ASPH: variants seen among roughly 807,000 people sequenced by gnomAD.
The protein encoded by ASPH is aspartate beta-hydroxylase, also known as aspartyl/asparaginyl beta-hydroxylase.
Under a neutral mutation model 118.4 loss-of-function variants are expected in ASPH, and 100 were observed. The ratio of observed to expected loss-of-function variants is 0.84; its 90% CI spans 0.72 to 1.00. The LOEUF is 1.00. ASPH is among the 50% of genes least tolerant of loss of function. ASPH has a pLI of 0.00. For missense variants in ASPH, 920 were observed against 919.5 expected, an observed-to-expected ratio of 1.00 and a Z score of -0.01; for synonymous variants, 315 against 325.6, an observed-to-expected ratio of 0.97 and a Z score of 0.35.
intron 14 of ASPH, among the ~76,000 whole-genome samples, chr8:61,605,287 T>G (rs1222567165): frequency 6.6e-6 from 1 of 152,216 alleles, no homozygotes; most frequent in African/African-American, 2.4e-5. Context: ...GCATTTGGAC[T>G]TAGGGATAAC....
At position 61,579,385 on chromosome 8, in the gene ASPH, C is replaced by T. The variant is rs7836743; in HGVS notation, c.1063-2527G>A. 5,568 of 1,613,730 alleles carry T rather than the reference C, an allele frequency of 3.5e-3. 159 individuals carry two copies. In the African/African-American group the frequency reaches 0.066, roughly 19 times the overall value. On this transcript the variant is annotated intron_variant, in intron 15 of 24. Transcript: ENST00000379454. The stretch of plus-strand genomic sequence containing the variant: ...AAGCTGGCCCTGGACATCGAGATCG[C>T]CACCTACAGGAAGCTGCTGGAGGGC...
chr8:61,607,028 CT>C, intron 14 of ASPH: 1 of 427,448 alleles, frequency 2.3e-6, no homozygotes, highest in South Asian at 4.1e-5. Flanking sequence ...TTTCCATCTC[CT>C]GCCAGCAGTG....
At chr8:61,634,806 C>T (rs1455896222) in intron 12 of ASPH, among the ~76,000 whole-genome samples, 1 of 152,114 alleles carries the variant, frequency 6.6e-6, no homozygotes, top group Non-Finnish European at 1.5e-5. Context: ...AAATATTGTA[C>T]ATCATAAAGT....
At chr8:61,685,303 A>G (rs570612818) in intron 1 of ASPH, among the ~76,000 whole-genome samples, 108 of 152,290 alleles carry the variant, frequency 7.1e-4, no homozygotes, top group African/African-American at 2.5e-3. Context: ...AGACATTTCC[A>G]CATGTTCCCT....
At chr8:61,634,640 A>G (rs552545886) in intron 12 of ASPH, among the ~76,000 whole-genome samples, 2 of 152,338 alleles carry the variant, frequency 1.3e-5, no homozygotes, top group South Asian at 4.1e-4. Flanking sequence ...TTCTTATAAC[A>G]GCAGTACAGT....
At chr8:61,531,541 G>A (rs560419413) in intron 21 of ASPH, among the ~76,000 whole-genome samples, 1 of 151,682 alleles carries the variant, frequency 6.6e-6, no homozygotes, top group East Asian at 1.9e-4. Flanking sequence ...TTTTTTTCTT[G>A]TTATCTAGTG....
intron 16 of ASPH, among the ~76,000 whole-genome samples, chr8:61,573,738 T>C (rs75239608): frequency 0.075 from 11,339 of 152,018 alleles, 635 homozygotes; most frequent in East Asian, 0.28. Context: ...CCTAAAACCA[T>C]AAAAACCCGA....
intron 21 of ASPH, among the ~76,000 whole-genome samples, chr8:61,547,034 C>A (rs1824130534): frequency 6.6e-6 from 1 of 152,170 alleles, no homozygotes; most frequent in Non-Finnish European, 1.5e-5. Flanking sequence ...GAGGTCAAAA[C>A]CCTGAAGCCA....
At position 61,646,872 on chromosome 8, in the gene ASPH, C is replaced by A. The variant is rs764862417; in HGVS notation, c.497G>T (p.Gly166Val). 6.2e-7 allele frequency: 1 copy of A among 1,613,712 alleles called. No homozygotes were observed. Among genetic ancestry groups the A allele is most frequent in the Non-Finnish European group, 8.5e-7 (1 of 1,179,836 alleles). The change falls in exon 6 of 25, where the codon GGA becomes GTA. Residue 166 changes from glycine (G) to valine (V), a missense_variant. Physicochemically the swap from Gly to Val is moderately radical, Grantham distance 109. Transcript: ENST00000379454. ...TCCATCTTCTTGTTGCAAGTCTTCT[C>A]CCTCAACTATGACAATGAACAAAGT... ...HEMVHAEHVE[G>V]EDLQQEDGPT...
chr8:61,644,498 T>C (rs1345031644), intron 7 of ASPH, 102 bp downstream of exon 7: 4 of 764,178 alleles, frequency 5.2e-6, no homozygotes, highest in Non-Finnish European at 7.5e-6. Context: ...CTTGCATATA[T>C]TAATTTAAAT....
chr8:61,638,046 C>G (rs1858673485), intron 11 of ASPH, 43 bp from the exon 12 acceptor site: 3 of 1,542,582 alleles, frequency 1.9e-6, no homozygotes, highest in Non-Finnish European at 2.7e-6. Flanking sequence ...ATGTTGCTGA[C>G]CAGTGACACA....
At chr8:61,519,792 G>T (rs1265531885) in intron 22 of ASPH, among the ~76,000 whole-genome samples, 1 of 152,184 alleles carries the variant, frequency 6.6e-6, no homozygotes, top group East Asian at 1.9e-4. Flanking sequence ...GCAGCCTCTA[G>T]AAGCTGGAGA....
At chr8:61,529,438 G>C (rs1230639706) in intron 21 of ASPH, among the ~76,000 whole-genome samples, 1 of 152,084 alleles carries the variant, frequency 6.6e-6, no homozygotes, top group Non-Finnish European at 1.5e-5. Context: ...GGAAAACTGA[G>C]GGAACCAAAA....
intron 3 of ASPH, among the ~76,000 whole-genome samples, chr8:61,673,640 T>C (rs1823730644): frequency 6.6e-6 from 1 of 152,068 alleles, no homozygotes. Flanking sequence ...TTAAAAGACA[T>C]GAGGTAGGAA....
chr8:61,583,719 G>C (rs1015611186), intron 15 of ASPH, among the ~76,000 whole-genome samples: 1 of 152,088 alleles, frequency 6.6e-6, no homozygotes, highest in Non-Finnish European at 1.5e-5. Context: ...GCTGACACCC[G>C]CATCGGCTGG....
At chr8:61,536,037 C>CG (rs34684050) in intron 21 of ASPH, among the ~76,000 whole-genome samples, 1 of 128,438 alleles carries the variant, frequency 7.8e-6, no homozygotes. Flanking sequence ...AAACAGGTGA[C>CG]TTTTTTTTTT....
At chr8:61,697,465 G>T (rs1273975744) in intron 1 of ASPH, among the ~76,000 whole-genome samples, 1 of 152,168 alleles carries the variant, frequency 6.6e-6, no homozygotes, top group East Asian at 1.9e-4. Context: ...TCTACTTGCA[G>T]ATAGTGTCAG....
At chr8:61,708,428 G>A (rs372455282) in intron 1 of ASPH, among the ~76,000 whole-genome samples, 7 of 152,094 alleles carry the variant, frequency 4.6e-5, no homozygotes, top group East Asian at 1.9e-4. Context: ...AAAATTAAGT[G>A]TCCTAAATAA....
At chr8:61,597,271 C>T (rs1005863526) in intron 14 of ASPH, among the ~76,000 whole-genome samples, 3 of 151,012 alleles carry the variant, frequency 2.0e-5, no homozygotes, top group African/African-American at 7.3e-5. Context: ...AATCCCAGCA[C>T]TTTGGGAGGC....
Sources: gnomAD v4.1 joint callset for allele counts (sites outside exome capture counted in the v4.1 genomes callset) on GRCh38, gnomAD v4.1.1 for gene constraint, MANE v1.5 for transcripts, NCBI Gene and HGNC (gene_info 2026-07-23, HGNC 2026-07-21) for gene names.